Variants in TENM2 observed in about 807,000 individuals in gnomAD.
The protein encoded by TENM2 is teneurin transmembrane protein 2.
Under a neutral mutation model 245.2 loss-of-function variants are expected in TENM2, and 52 were observed. That is an observed-to-expected ratio of 0.21 (90% CI 0.17 to 0.27). The LOEUF is 0.27. Ranked by LOEUF, TENM2 falls within the 10% of genes least tolerant of loss-of-function variation. The probability of loss-of-function intolerance (pLI) is 1.00; values close to 1 mark genes in which losing one functional copy is unlikely to be tolerated. For synonymous variants in TENM2, 1,363 were observed against 1,438.9 expected (o/e 0.95, Z 1.19); for missense variants, 3,046 against 3,666.8 (o/e 0.83, Z 4.37).
chr5:167,982,596 T>C (rs1290531688), intron 4 of TENM2, among the ~76,000 whole-genome samples: 1 of 152,262 alleles, frequency 6.6e-6, no homozygotes, highest in South Asian at 2.1e-4. Context: ...AGAGGAGGCA[T>C]CTGAGGACCA....
chr5:167,915,015 T>C (rs889443960), intron 3 of TENM2, among the ~76,000 whole-genome samples: 1 of 152,192 alleles, frequency 6.6e-6, no homozygotes, highest in African/African-American at 2.4e-5. Context: ...CATATCTTTG[T>C]GGTGGGGAGA....
intron 2 of TENM2, among the ~76,000 whole-genome samples, chr5:167,875,633 G>A (rs866999181): frequency 3.4e-4 from 51 of 152,128 alleles, no homozygotes; most frequent in Non-Finnish European, 2.6e-4. Flanking sequence ...GGCAAGAATG[G>A]AAGCAGTGAG....
chr5:167,790,071 T>C (rs1027927872), intron 2 of TENM2, among the ~76,000 whole-genome samples: 3 of 152,234 alleles, frequency 2.0e-5, no homozygotes, highest in Non-Finnish European at 2.9e-5. Flanking sequence ...CTCAGTTCTT[T>C]GAGTGTACTT....
intron 5 of TENM2, among the ~76,000 whole-genome samples, chr5:168,031,914 G>A (rs528943291): frequency 7.9e-5 from 12 of 152,192 alleles, no homozygotes; most frequent in Non-Finnish European, 1.6e-4. Flanking sequence ...CAGGTCTGCT[G>A]CTTCCAAAGC....
intron 1 of TENM2, among the ~76,000 whole-genome samples, chr5:167,366,640 G>A (rs1463615936): frequency 6.6e-6 from 1 of 152,052 alleles, no homozygotes; most frequent in Non-Finnish European, 1.5e-5. Context: ...AGGCTATATG[G>A]TGACTGTTTT....
intron 3 of TENM2, among the ~76,000 whole-genome samples, chr5:167,912,775 C>T (rs1776647807): frequency 6.6e-6 from 1 of 152,132 alleles, no homozygotes; most frequent in South Asian, 2.1e-4. Flanking sequence ...GCATAAGAAA[C>T]TTTTAGAACA....
chr5:168,180,511 G>A (rs1581554154), intron 13 of TENM2, among the ~76,000 whole-genome samples: 3 of 152,216 alleles, frequency 2.0e-5, no homozygotes, highest in African/African-American at 7.2e-5. Context: ...CTGTACTGCT[G>A]TGGATATTTG....
intron 6 of TENM2, among the ~76,000 whole-genome samples, chr5:168,048,599 C>CA (rs1384027714): frequency 6.6e-6 from 1 of 152,164 alleles, no homozygotes; most frequent in African/African-American, 2.4e-5. Flanking sequence ...AATTTGGACT[C>CA]AGAGTTGTGC....
intron 2 of TENM2, among the ~76,000 whole-genome samples, chr5:167,581,650 A>G (rs1035558048): frequency 6.6e-6 from 1 of 152,148 alleles, no homozygotes; most frequent in East Asian, 1.9e-4. Context: ...CTTTATCTAT[A>G]TCTATTTCCA....
At chr5:167,830,266 C>G (rs1340464480) in intron 2 of TENM2, among the ~76,000 whole-genome samples, 1 of 152,110 alleles carries the variant, frequency 6.6e-6, no homozygotes, top group Non-Finnish European at 1.5e-5. Flanking sequence ...TTAATTATTT[C>G]TTTCATTTCT....
exon 13 of TENM2, chr5:168,162,665 G>T (rs1757853858): frequency 6.2e-7 from 1 of 1,613,986 alleles, no homozygotes; most frequent in African/African-American, 1.3e-5. Context: ...GGTCAGAACA[G>T]CTGGCAGTGT....
chr5:167,120,005 G>A, the TENM2 span, among the ~76,000 whole-genome samples: 3 of 152,254 alleles, frequency 2.0e-5, no homozygotes, highest in South Asian at 2.1e-4. Flanking sequence ...TGTGGGAGTC[G>A]AGCCTCGTAG....
intron 1 of TENM2, among the ~76,000 whole-genome samples, chr5:167,337,522 A>T (rs1477446687): frequency 1.3e-5 from 2 of 152,236 alleles, no homozygotes; most frequent in Non-Finnish European, 2.9e-5. Flanking sequence ...GAATAGAGAT[A>T]TCCATAAAAT....
chr5:168,206,433 A>G (rs1057104837), intron 19 of TENM2, among the ~76,000 whole-genome samples: 1 of 152,228 alleles, frequency 6.6e-6, no homozygotes, highest in Non-Finnish European at 1.5e-5. Context: ...GAAAACACCC[A>G]TGTGAGCATG....
At chr5:167,785,355 C>T (rs1764501955) in intron 2 of TENM2, among the ~76,000 whole-genome samples, 1 of 152,168 alleles carries the variant, frequency 6.6e-6, no homozygotes, top group Non-Finnish European at 1.5e-5. Flanking sequence ...AAGGAAGTTT[C>T]TTTCTTCCCT....
intron 2 of TENM2, among the ~76,000 whole-genome samples, chr5:167,434,872 T>A (rs1225683626): frequency 6.6e-6 from 1 of 152,198 alleles, no homozygotes. Context: ...TCTTTGACCT[T>A]ATGGAAAAGA....
intron 13 of TENM2, chr5:168,185,972 T>TTATA (rs1213986912): frequency 6.9e-4 from 4 of 5,790 alleles, no homozygotes; most frequent in Middle Eastern, 0.071. Flanking sequence ...ATATTTGAAT[T>TTATA]TATATATATA....
At chr5:167,795,160 GCCA>G (rs1765230609) in intron 2 of TENM2, among the ~76,000 whole-genome samples, 3 of 152,122 alleles carry the variant, frequency 2.0e-5, no homozygotes, top group Admixed American at 1.3e-4. Context: ...TGACCTGAAT[GCCA>G]GACTGGAGAA....
intron 1 of TENM2, among the ~76,000 whole-genome samples, chr5:167,331,235 CAA>C (rs34787036): frequency 4.7e-5 from 4 of 85,558 alleles, no homozygotes; most frequent in Non-Finnish European, 6.5e-5. Context: ...GACTCTGTCT[CAA>C]AAAAAAAAAA....
Sources: allele counts gnomAD v4.1 joint callset (sites outside exome capture counted in the v4.1 genomes callset), GRCh38; gene constraint gnomAD v4.1.1; transcripts MANE v1.5; gene names NCBI Gene and HGNC (gene_info 2026-07-23, HGNC 2026-07-21).